Variants in CNTNAP5 observed in about 807,000 individuals in gnomAD.
The protein encoded by CNTNAP5 is contactin associated protein family member 5.
A neutral mutation model predicts 150.2 loss-of-function variants in CNTNAP5; 72 were observed. The observed-to-expected ratio is 0.48, with a 90% CI of 0.40 to 0.58. The LOEUF (loss-of-function observed/expected upper bound fraction) is 0.58. Ranked by LOEUF, CNTNAP5 falls within the 20% of genes least tolerant of loss-of-function variation. The probability of loss-of-function intolerance (pLI) is 0.00; values close to 1 mark genes in which losing one functional copy is unlikely to be tolerated. For synonymous variants in CNTNAP5, 672 were observed against 619.8 expected, an observed-to-expected ratio of 1.08 and a Z score of -1.25; for missense variants, 1,636 against 1,626.2, an observed-to-expected ratio of 1.01 and a Z score of -0.10.
intron 1 of CNTNAP5, among the ~76,000 whole-genome samples, chr2:124,093,473 C>T (rs2104688456): frequency 6.6e-6 from 1 of 152,284 alleles, no homozygotes; most frequent in East Asian, 1.9e-4. Flanking sequence ...AACTGATTTG[C>T]TATTAGATGA....
At chr2:124,576,563 G>A (rs1380251213) in intron 11 of CNTNAP5, among the ~76,000 whole-genome samples, 1 of 152,162 alleles carries the variant, frequency 6.6e-6, no homozygotes, top group Non-Finnish European at 1.5e-5. Flanking sequence ...TCCATCTAAT[G>A]ACATCACTGG....
chr2:124,457,929 A>T (rs1693158790), intron 6 of CNTNAP5, among the ~76,000 whole-genome samples: 1 of 151,924 alleles, frequency 6.6e-6, no homozygotes, highest in East Asian at 1.9e-4. Flanking sequence ...GTTGGCATGG[A>T]TATGGTGAGC....
At chr2:124,382,172 A>G (rs1046216358) in intron 3 of CNTNAP5, among the ~76,000 whole-genome samples, 1 of 152,142 alleles carries the variant, frequency 6.6e-6, no homozygotes, top group Non-Finnish European at 1.5e-5. Context: ...ATAAGCCATC[A>G]ATGTGGCTAG....
intron 12 of CNTNAP5, among the ~76,000 whole-genome samples, chr2:124,639,570 G>A (rs894975140): frequency 2.6e-5 from 4 of 152,022 alleles, no homozygotes; most frequent in Non-Finnish European, 4.4e-5. Flanking sequence ...AGCTCATGAC[G>A]TCCTCTGAGT....
intron 1 of CNTNAP5, among the ~76,000 whole-genome samples, chr2:124,160,152 T>C (rs536375822): frequency 2.0e-5 from 3 of 152,246 alleles, no homozygotes; most frequent in African/African-American, 4.8e-5. Flanking sequence ...GATGGTATAA[T>C]TCTAGTCTGA....
At chr2:124,565,616 T>TCC (rs1696004723) in intron 11 of CNTNAP5, among the ~76,000 whole-genome samples, 4 of 58,138 alleles carry the variant, frequency 6.9e-5, no homozygotes, top group African/African-American at 2.6e-4. Flanking sequence ...TTTTTTTTTT[T>TCC]TGAGATGGAG....
chr2:124,569,454 A>T (rs1250577688), intron 11 of CNTNAP5, among the ~76,000 whole-genome samples: 2 of 152,196 alleles, frequency 1.3e-5, no homozygotes, highest in African/African-American at 4.8e-5. Flanking sequence ...TAGGAATAAG[A>T]TTGCTTCCAC....
chr2:124,453,976 T>C (rs1029058469), intron 6 of CNTNAP5, among the ~76,000 whole-genome samples: 1 of 151,696 alleles, frequency 6.6e-6, no homozygotes, highest in Non-Finnish European at 1.5e-5. Flanking sequence ...AAAAATACAA[T>C]TGAAAAAACA....
chr2:124,565,356 C>T (rs549033356), intron 11 of CNTNAP5, among the ~76,000 whole-genome samples: 2 of 152,066 alleles, frequency 1.3e-5, no homozygotes, highest in African/African-American at 4.8e-5. Flanking sequence ...ATTGTTCATA[C>T]CACAAAGGAT....
chr2:124,358,670 G>C (rs566011226), intron 3 of CNTNAP5, among the ~76,000 whole-genome samples: 3 of 152,304 alleles, frequency 2.0e-5, no homozygotes, highest in Admixed American at 2.0e-4. Flanking sequence ...GATCATGGTG[G>C]ATAAGCTTTT....
intron 3 of CNTNAP5, among the ~76,000 whole-genome samples, chr2:124,402,136 G>T (rs1691440752): frequency 6.6e-6 from 1 of 152,094 alleles, no homozygotes; most frequent in African/African-American, 2.4e-5. Flanking sequence ...TCCATGTTAG[G>T]ATCCCTTCAT....
chr2:124,079,341 C>T (rs890432339), intron 1 of CNTNAP5, among the ~76,000 whole-genome samples: 6 of 152,206 alleles, frequency 3.9e-5, no homozygotes, highest in Admixed American at 6.5e-5. Context: ...GAAAGCCCAG[C>T]ACTTTGTGCT....
chr2:124,523,402 T>C (rs1023229852), intron 8 of CNTNAP5, among the ~76,000 whole-genome samples: 29 of 152,300 alleles, frequency 1.9e-4, no homozygotes, highest in Middle Eastern at 3.4e-3. Flanking sequence ...AATCAGTTAA[T>C]ATGACTTTAT....
chr2:124,212,417 CATT>C (rs1049048423), intron 1 of CNTNAP5, among the ~76,000 whole-genome samples: 4 of 152,072 alleles, frequency 2.6e-5, no homozygotes, highest in Non-Finnish European at 5.9e-5. Flanking sequence ...AAGTAGGAAA[CATT>C]ATATTTTTTC....
intron 13 of CNTNAP5, among the ~76,000 whole-genome samples, chr2:124,706,746 C>CAAG (rs747166844): frequency 0.078 from 4,075 of 51,960 alleles, 302 homozygotes; most frequent in East Asian, 0.19. Context: ...GACTCTGTTT[C>CAAG]AAGAAGAAGA....
chr2:124,786,333 GAGAAAGAAAGAAAGAAAGGAAGAA>G lies in CNTNAP5; in HGVS notation c.2753-3550_2753-3527del, dbSNP rs1265807723. On this transcript the variant is annotated intron_variant, in intron 17 of 23. Transcript: ENST00000682447. The stretch of plus-strand genomic sequence containing the variant: ...AAGAAGAAAGAAAGGAAGAAAGAAA[GAGAAAGAAAGAAAGAAAGGAAGAA>G]AGAAAGAAAGAAAGAAAGAAAGAAA... Among the ~76,000 whole-genome samples, 263 of 122,972 alleles carry G rather than the reference GAGAAAGAAAGAAAGAAAGGAAGAA, an allele frequency of 2.1e-3. 3 individuals carry two copies. Among genetic ancestry groups the G allele is most frequent in the African/African-American group, 7.8e-3 (245 of 31,286 alleles). The allele number at this position is 122,972 out of a possible 152,430, so 80.7% of individuals were successfully genotyped here.
Position 124,225,059 on chromosome 2 carries a change from C to T in CNTNAP5, c.187+3250C>T, listed in dbSNP as rs143639144. Among the ~76,000 whole-genome samples, 682 of 152,174 alleles carry T rather than the reference C, an allele frequency of 4.5e-3. 1 individual carries two copies. Among genetic ancestry groups the T allele is most frequent in the Middle Eastern group, 0.037 (11 of 294 alleles). On this transcript the variant is annotated intron_variant, in intron 2 of 23. Transcript: ENST00000682447. Reference sequence around the variant, plus strand: ...CATGGTTTGAAATCTCAGATGCTCTCGAATATACATGCAGATGTAAAGGAG... The same window carrying T: ...CATGGTTTGAAATCTCAGATGCTCTTGAATATACATGCAGATGTAAAGGAG...
In CNTNAP5 at chr2:124,918,307, A is replaced by C. The variant is rs1678808205; in HGVS notation, c.*4019A>C. Among the ~76,000 whole-genome samples the C allele has an allele frequency of 2.0e-5, 3 of 152,036 alleles. No individual in the cohort carries two copies. The South Asian group carries it at 6.2e-4, about 32-fold the overall frequency. ...TCCAGCTCTTCCTAAAACCCTCCTTAGTCCTGATGAGCCATTTTGACTCTA... is the reference window on the plus strand; with the variant it reads ...TCCAGCTCTTCCTAAAACCCTCCTTCGTCCTGATGAGCCATTTTGACTCTA... On this transcript the variant is annotated 3_prime_UTR_variant, in exon 24 of 24. Coordinates refer to ENST00000682447, the MANE Select transcript of CNTNAP5 (RefSeq NM_001367498.1).
chr2:124,701,755 T>A (rs1418971161), intron 13 of CNTNAP5, among the ~76,000 whole-genome samples: 1 of 152,108 alleles, frequency 6.6e-6, no homozygotes, highest in East Asian at 1.9e-4. Flanking sequence ...TTGCATTTCC[T>A]TGATGATGAA....
Sources: gnomAD v4.1 joint callset for allele counts (sites outside exome capture counted in the v4.1 genomes callset) on GRCh38, gnomAD v4.1.1 for gene constraint, MANE v1.5 for transcripts, NCBI Gene and HGNC (gene_info 2026-07-23, HGNC 2026-07-21) for gene names.